The following SEC14L4 variants were observed in gnomAD, a reference collection of about 807,000 sequenced individuals.
SEC14L4 encodes SEC14-like protein 4.
Under a neutral mutation model 55.1 loss-of-function variants are expected in SEC14L4, and 42 were observed. The ratio of observed to expected loss-of-function variants is 0.76; its 90% confidence interval spans 0.60 to 0.99. The LOEUF is 0.99. Among genes scored for constraint, SEC14L4 ranks in the 50% least tolerant of loss-of-function variants. The probability of loss-of-function intolerance (pLI) is 0.00; values close to 1 mark genes in which losing one functional copy is unlikely to be tolerated. For synonymous variants in SEC14L4, 206 were observed against 206.8 expected (o/e 1.00, Z 0.03); for missense variants, 445 against 512.1 (o/e 0.87, Z 1.27).
intron 2 of SEC14L4, among the ~76,000 whole-genome samples, chr22:30,501,883 A>G (rs1324157326): frequency 6.9e-6 from 1 of 145,944 alleles, no homozygotes; most frequent in African/African-American, 2.5e-5. Flanking sequence ...ATACATACAC[A>G]TACTTTTTTT....
chr22:30,489,933 G>C lies in SEC14L4; in HGVS notation c.*174C>G. On this transcript the variant is annotated 3_prime_UTR_variant, in exon 12 of 12. Transcript: ENST00000255858. Reference sequence around the variant, plus strand: ...AATCTTCAGCATGGGCTATGCACTGGTGGCCCCTTCCTGCTTGGCCACTGT... The same window carrying C: ...AATCTTCAGCATGGGCTATGCACTGCTGGCCCCTTCCTGCTTGGCCACTGT... The C allele has an allele frequency of 6.4e-7, 1 of 1,551,966 alleles. No homozygotes were observed. The highest frequency in any genetic ancestry group is 8.7e-7 in the Non-Finnish European group (1 of 1,147,084).
rs763461123 is a variant in SEC14L4, at chr22:30,495,276, T to A, written c.401A>T (p.Glu134Val). The A allele has an allele frequency of 1.2e-6, 2 of 1,612,266 alleles. No homozygotes were observed. Among genetic ancestry groups the A allele is most frequent in the Non-Finnish European group, 1.7e-6 (2 of 1,179,324 alleles). ...CACCTTCTGAGTTTGCAGCTCACAC[T>A]CATGCAACAGCAGCTCACAGACTTT... Reference protein sequence around the residue: ...RIKVCELLLHECELQTQKLGR... With the variant: ...RIKVCELLLHVCELQTQKLGR... Residue 134 changes from glutamate to valine, a missense_variant, in exon 5 of 12, where the codon GAG becomes GTG. Physicochemically the swap from Glu to Val is moderately radical, Grantham distance 121. Transcript: ENST00000255858.
intron 11 of SEC14L4, among the ~76,000 whole-genome samples, chr22:30,491,239 G>C (rs1184395614): frequency 6.6e-6 from 1 of 152,124 alleles, no homozygotes; most frequent in African/African-American, 2.4e-5. Flanking sequence ...TCCTGGAGTG[G>C]GGTGGTTCAT....
At position 30,489,770 on chromosome 22, in the gene SEC14L4, C is replaced by G. The variant is rs552858393; in HGVS notation, c.*337G>C. ...GCTGGAACACCAGGCATGGGTGAGT[C>G]CTGGGTGGCTGGATCTTGTCAAGAT... is the stretch of plus-strand genomic sequence containing the variant. On this transcript the variant is annotated 3_prime_UTR_variant, in exon 12 of 12. Coordinates refer to ENST00000255858, the MANE Select transcript of SEC14L4 (RefSeq NM_174977.4). The G allele has an allele frequency of 4.8e-6, 6 of 1,249,564 alleles. No individual in the cohort carries two copies. The highest frequency in any genetic ancestry group is 6.9e-6 in the Non-Finnish European group (6 of 871,788). 77.4% of individuals were successfully genotyped at this position (1,249,564 alleles called of 1,614,324 possible). A position where few individuals can be genotyped will look rare whatever the true frequency, so the allele number is the denominator to read the frequency against.
rs568132520 is a variant in SEC14L4, at chr22:30,490,302, G to A, written c.1082-56C>T. On this transcript the variant is annotated intron_variant, in intron 11 of 11. Coordinates refer to ENST00000255858, the MANE Select transcript of SEC14L4 (RefSeq NM_174977.4). Reference sequence around the variant, plus strand: ...CAAACCCCGCACATCTGCAGGAAGAGCCAGCCCTGCATGGGTGCATCCCTG... The same window carrying A: ...CAAACCCCGCACATCTGCAGGAAGAACCAGCCCTGCATGGGTGCATCCCTG... The A allele has an allele frequency of 4.3e-5, 69 of 1,603,238 alleles. No homozygotes were observed. The African/African-American group carries it at 8.8e-4, about 20-fold the overall frequency.
chr22:30,505,426 C>G, intron 1 of SEC14L4, 132 bp downstream of exon 1: 1 of 942,194 alleles, frequency 1.1e-6, no homozygotes, highest in Non-Finnish European at 1.6e-6. Flanking sequence ...CACGCTGGAC[C>G]AGAGGGCAGA....
chr22:30,494,973 A>G lies in SEC14L4; in HGVS notation c.424-12T>C. 3 of 1,609,734 alleles carry G rather than the reference A, an allele frequency of 1.9e-6. No individual in the cohort carries two copies. Among genetic ancestry groups the G allele is most frequent in the Non-Finnish European group, 2.5e-6 (3 of 1,177,200 alleles). The stretch of plus-strand genomic sequence containing the variant: ...ATCTTCCTGCCCAGCTGCTTGGGAC[A>G]GAGTCATATAGGTCAGACGACAGCT... On this transcript the variant is annotated splice_polypyrimidine_tract_variant and intron_variant, in intron 5 of 11. Transcript: ENST00000255858.
chr22:30,495,878 C>A, intron 3 of SEC14L4, 50 bp downstream of exon 3: 1 of 1,599,882 alleles, frequency 6.3e-7, no homozygotes, highest in Non-Finnish European at 8.5e-7. Context: ...CAGCAAATCC[C>A]TGGGTCACAG....
chr22:30,498,729 C>CT (rs1337440048), intron 2 of SEC14L4, among the ~76,000 whole-genome samples: 1 of 152,130 alleles, frequency 6.6e-6, no homozygotes, highest in African/African-American at 2.4e-5. Context: ...AAGGAAACTC[C>CT]TTTCTATCCC....
At chr22:30,496,211 C>A (rs1936145466) in intron 2 of SEC14L4, among the ~76,000 whole-genome samples, 1 of 152,172 alleles carries the variant, frequency 6.6e-6, no homozygotes, top group Admixed American at 6.5e-5. Flanking sequence ...GCCTCTGGCC[C>A]AGGTGATCCT....
intron 8 of SEC14L4, 92 bp downstream of exon 8, chr22:30,492,382 G>T: frequency 1.6e-6 from 2 of 1,287,662 alleles, no homozygotes; most frequent in South Asian, 1.2e-5. Context: ...GGTAGTGCCC[G>T]AGTAGAGGAC....
rs1936466642 is a variant in SEC14L4, at chr22:30,505,647, T to TCCGCCCGCCCG, written c.-47_-37dup. 3 of 1,521,984 alleles carry TCCGCCCGCCCG rather than the reference T, an allele frequency of 2.0e-6. No individual in the cohort carries two copies. The highest frequency in any genetic ancestry group is 4.9e-5 in the East Asian group (2 of 40,726). 94.3% of individuals were successfully genotyped at this position (1,521,984 alleles called of 1,614,324 possible). On this transcript the variant is annotated 5_prime_UTR_variant, in exon 1 of 12. Coordinates refer to ENST00000255858, the MANE Select transcript of SEC14L4 (RefSeq NM_174977.4). ...GGCGCAGAAAGGCTCAGGGCGCAGGTCCGCCCGCCCGCCGCCGCCTGGCCT... is the reference window on the plus strand; with the variant it reads ...GGCGCAGAAAGGCTCAGGGCGCAGGTCCGCCCGCCCGCCGCCCGCCCGCCGCCGCCTGGCCT...
Position 30,492,105 on chromosome 22 carries a change from C to A in SEC14L4, c.715G>T (p.Val239Leu), listed in dbSNP as rs1203581076. 3 of 1,613,818 alleles carry A rather than the reference C, an allele frequency of 1.9e-6. No individual in the cohort carries two copies. The African/African-American group carries it at 4.0e-5, about 22-fold the overall frequency. The part of the protein sequence containing the change: ...TKFISPDQLP[V>L]EFGGTMTDPD... ...TCAGTCATGGTCCCCCCAAACTCCA[C>A]AGGCAGCTGGTCGGGGCTGATGAAT... is the stretch of plus-strand genomic sequence containing the variant. Residue 239 changes from valine to leucine, a missense_variant, in exon 9 of 12, where the codon GTG becomes TTG. Val to Leu is a conservative substitution (Grantham distance 32). Transcript: ENST00000255858.
chr22:30,502,921 C>A (rs1427260026), intron 2 of SEC14L4, among the ~76,000 whole-genome samples: 1 of 152,234 alleles, frequency 6.6e-6, no homozygotes, highest in African/African-American at 2.4e-5. Context: ...GCTAAATCCA[C>A]TTCCTTAAGT....
Position 30,490,213 on chromosome 22 carries a change from A to T in SEC14L4, c.1115T>A (p.Met372Lys). 1.2e-6 allele frequency: 2 copies of T among 1,614,070 alleles called. No individual in the cohort carries two copies. Among genetic ancestry groups the T allele is most frequent in the Non-Finnish European group, 1.7e-6 (2 of 1,180,020 alleles). ...AGTGTAGCTGAGCTTCTTGGCATGC[A>T]TCCGGCTGTAGGTGTTGTCGAAGCG... ...VLRFDNTYSR[M>K]HAKKLSYTVE... is the part of the protein sequence containing the mutation. The change falls in exon 12 of 12, where the codon ATG (methionine) becomes AAG (lysine). Residue 372 changes from methionine (M) to lysine (K), a missense_variant. Transcript: ENST00000255858.
At chr22:30,491,766 G>T (rs779664300) in intron 10 of SEC14L4, 24 bp from the exon 11 acceptor site, 19 of 1,612,782 alleles carry the variant, frequency 1.2e-5, no homozygotes, top group Non-Finnish European at 1.5e-5. Context: ...AGCCCCATTG[G>T]CGACCCCCTG....
intron 2 of SEC14L4, among the ~76,000 whole-genome samples, chr22:30,498,623 T>C (rs902024133): frequency 1.3e-5 from 2 of 152,198 alleles, no homozygotes; most frequent in African/African-American, 4.8e-5. Context: ...GATTGATTCT[T>C]TCCTTGTTCC....
At chr22:30,505,472 T>C in intron 1 of SEC14L4, 86 bp downstream of exon 1, 3 of 1,357,894 alleles carry the variant, frequency 2.2e-6, no homozygotes, top group Non-Finnish European at 3.1e-6. Context: ...TGTTCCAGTC[T>C]GTACCATGGG....
chr22:30,501,059 A>G (rs955676375), intron 2 of SEC14L4, among the ~76,000 whole-genome samples: 1 of 152,050 alleles, frequency 6.6e-6, no homozygotes, highest in Non-Finnish European at 1.5e-5. Context: ...AAAAATAAAA[A>G]TAAATAAAAA....
Sources: gnomAD v4.1 joint callset for allele counts (sites outside exome capture counted in the v4.1 genomes callset) on GRCh38, gnomAD v4.1.1 for gene constraint, MANE v1.5 for transcripts, NCBI Gene and HGNC (gene_info 2026-07-23, HGNC 2026-07-21) for gene names.